The following BRINP3 variants were observed in gnomAD, a reference collection of about 807,000 sequenced individuals.
BRINP3 encodes the protein BMP/retinoic acid inducible neural specific 3, also known as BMP/retinoic acid-inducible neural-specific protein 3.
Under a neutral mutation model 71.0 loss-of-function variants are expected in BRINP3, and 19 were observed. The observed-to-expected ratio is 0.27, with a 90% CI of 0.19 to 0.39. The LOEUF is 0.39. BRINP3 is among the 10% of genes least tolerant of loss of function. BRINP3 has a pLI of 1.00. For synonymous variants in BRINP3, 380 were observed against 337.7 expected (o/e 1.13, Z -1.37); for missense variants, 959 against 940.8 (o/e 1.02, Z -0.25).
intron 7 of BRINP3, among the ~76,000 whole-genome samples, chr1:190,127,995 G>T (rs1371883310): frequency 6.6e-6 from 1 of 151,762 alleles, no homozygotes; most frequent in African/African-American, 2.4e-5. Flanking sequence ...TCTTGGTCCA[G>T]AAGTAATATC....
intron 4 of BRINP3, among the ~76,000 whole-genome samples, chr1:190,239,617 T>C (rs986875250): frequency 2.6e-5 from 4 of 152,106 alleles, no homozygotes; most frequent in Non-Finnish European, 5.9e-5. Flanking sequence ...TTTATGTACT[T>C]CGCTGTATAA....
At chr1:190,141,446 C>A (rs889692403) in intron 7 of BRINP3, among the ~76,000 whole-genome samples, 1 of 151,774 alleles carries the variant, frequency 6.6e-6, no homozygotes, top group Admixed American at 6.6e-5. Context: ...GGCTCAATTC[C>A]AGAATTAACA....
intron 5 of BRINP3, among the ~76,000 whole-genome samples, chr1:190,233,259 C>T (rs1658178722): frequency 6.6e-6 from 1 of 152,032 alleles, no homozygotes; most frequent in Admixed American, 6.6e-5. Context: ...GTGGTGTGGT[C>T]ATAGCTCACT....
rs930620638 is a variant in BRINP3 at position 190,118,294 on chromosome 1, T to C, written c.1185-19160A>G. On this transcript the variant is annotated intron_variant, in intron 7 of 7. Transcript: ENST00000367462. ...AAAGTCTTTGTTTATAGTCCCAGCA[T>C]AACTATAAATTAAAGATGTTCCCTT... Among the ~76,000 whole-genome samples, 6 of 152,158 alleles carry C rather than the reference T, an allele frequency of 3.9e-5. No individual in the cohort carries two copies. In the South Asian group the frequency reaches 6.2e-4, roughly 16 times the overall value.
At chr1:190,245,556 T>A (rs1659515107) in intron 4 of BRINP3, among the ~76,000 whole-genome samples, 1 of 152,078 alleles carries the variant, frequency 6.6e-6, no homozygotes, top group South Asian at 2.1e-4. Flanking sequence ...TAATTATTTA[T>A]CTTAAAAAAT....
intron 7 of BRINP3, among the ~76,000 whole-genome samples, chr1:190,130,759 T>G (rs958742395): frequency 2.6e-5 from 4 of 152,128 alleles, no homozygotes; most frequent in Admixed American, 2.6e-4. Flanking sequence ...ACACAGTCAG[T>G]ATGAATGGCA....
intron 7 of BRINP3, among the ~76,000 whole-genome samples, chr1:190,105,435 GT>G (rs1280889575): frequency 2.0e-5 from 3 of 152,100 alleles, no homozygotes; most frequent in African/African-American, 7.2e-5. Context: ...ATTAGCTGAT[GT>G]TAACATTCAT....
chr1:190,309,995 G>C (rs1463599522), intron 2 of BRINP3, among the ~76,000 whole-genome samples: 1 of 151,556 alleles, frequency 6.6e-6, no homozygotes, highest in African/African-American at 2.4e-5. Flanking sequence ...TCTGCAGCTG[G>C]AATACATGGA....
intron 2 of BRINP3, among the ~76,000 whole-genome samples, chr1:190,419,719 G>A (rs929561550): frequency 1.6e-5 from 2 of 128,172 alleles, no homozygotes; most frequent in Admixed American, 7.7e-5. Flanking sequence ...ACACACACAC[G>A]TTAGCTTTCT....
chr1:190,365,126 T>C (rs189407177), intron 2 of BRINP3, among the ~76,000 whole-genome samples: 33 of 152,248 alleles, frequency 2.2e-4, no homozygotes, highest in Non-Finnish European at 5.9e-5. Flanking sequence ...TCTGATTGCA[T>C]TATCATCTTT....
At chr1:190,262,029 G>A (rs556763195) in intron 4 of BRINP3, among the ~76,000 whole-genome samples, 1 of 152,118 alleles carries the variant, frequency 6.6e-6, no homozygotes, top group Non-Finnish European at 1.5e-5. Context: ...AAATGAAGGG[G>A]GACACCTTTT....
intron 2 of BRINP3, among the ~76,000 whole-genome samples, chr1:190,405,439 A>T (rs1672204021): frequency 7.8e-6 from 1 of 127,752 alleles, no homozygotes; most frequent in Non-Finnish European, 1.6e-5. Flanking sequence ...CGACAGAGCG[A>T]GACTCCGTCT....
At chr1:190,457,936 A>G (rs903987332) in intron 1 of BRINP3, among the ~76,000 whole-genome samples, 1 of 151,412 alleles carries the variant, frequency 6.6e-6, no homozygotes, top group Non-Finnish European at 1.5e-5. Flanking sequence ...AAAAAAAACT[A>G]TATTGTGTAT....
At chr1:190,437,059 C>T (rs1351512607) in intron 2 of BRINP3, among the ~76,000 whole-genome samples, 1 of 151,672 alleles carries the variant, frequency 6.6e-6, no homozygotes, top group Non-Finnish European at 1.5e-5. Context: ...TCTGTATAAT[C>T]AATATTGTTT....
chr1:190,201,007 T>C (rs907697403), intron 6 of BRINP3, among the ~76,000 whole-genome samples: 7 of 152,076 alleles, frequency 4.6e-5, no homozygotes, highest in African/African-American at 1.7e-4. Flanking sequence ...GCTGAAAAGA[T>C]ACCCAAAAAT....
intron 2 of BRINP3, among the ~76,000 whole-genome samples, chr1:190,346,866 T>G (rs1668055908): frequency 6.6e-6 from 1 of 152,124 alleles, no homozygotes; most frequent in Admixed American, 6.6e-5. Context: ...TTTGGATATC[T>G]TCCACAAGAA....
At chr1:190,314,881 G>C (rs915178754) in intron 2 of BRINP3, among the ~76,000 whole-genome samples, 2 of 152,126 alleles carry the variant, frequency 1.3e-5, no homozygotes, top group African/African-American at 4.8e-5. Context: ...ACCCAGAGCT[G>C]AGAGTATGCT....
At chr1:190,350,798 G>C (rs977368382) in intron 2 of BRINP3, among the ~76,000 whole-genome samples, 1 of 149,758 alleles carries the variant, frequency 6.7e-6, no homozygotes, top group Admixed American at 6.7e-5. Context: ...GGCTTCTGCA[G>C]CCAGAATCAA....
At chr1:190,113,998 C>T (rs900812242) in intron 7 of BRINP3, among the ~76,000 whole-genome samples, 2 of 152,048 alleles carry the variant, frequency 1.3e-5, no homozygotes, top group African/African-American at 4.8e-5. Context: ...TAGATTATAC[C>T]AGTGATATAG....
Sources: gnomAD v4.1 joint callset for allele counts (sites outside exome capture counted in the v4.1 genomes callset) on GRCh38, gnomAD v4.1.1 for gene constraint, MANE v1.5 for transcripts, NCBI Gene and HGNC (gene_info 2026-07-23, HGNC 2026-07-21) for gene names.